TMPRSS9: variants seen among roughly 807,000 people sequenced by gnomAD.
The protein encoded by TMPRSS9 is transmembrane serine protease 9, also known as transmembrane protease serine 9.
A neutral mutation model predicts 111.4 loss-of-function variants in TMPRSS9; 113 were observed. That is an observed-to-expected ratio of 1.01 (90% CI 0.87 to 1.19). The LOEUF (loss-of-function observed/expected upper bound fraction) is 1.19, where lower values mean the gene tolerates loss of function less well. Ranked by LOEUF, TMPRSS9 falls within the 50% of genes most tolerant of loss-of-function variation. The pLI is 0.00. For missense variants in TMPRSS9, 1,803 were observed against 1,513.1 expected (o/e 1.19, Z -3.18); for synonymous variants, 805 against 659.1 (o/e 1.22, Z -3.39).
chr19:2,367,561 ATTTT>A (rs35468320), intron 1 of TMPRSS9, among the ~76,000 whole-genome samples: 36,807 of 129,424 alleles, frequency 0.28, 5,039 homozygotes, highest in Middle Eastern at 0.44. Flanking sequence ...TGACTGGCTA[ATTTT>A]TTTTTTTTTT....
intron 7 of TMPRSS9, among the ~76,000 whole-genome samples, chr19:2,407,184 A>G (rs903327741): frequency 6.6e-6 from 1 of 151,906 alleles, no homozygotes; most frequent in African/African-American, 2.4e-5. Flanking sequence ...CCCTCACCCT[A>G]ATCCCAACTC....
At chr19:2,377,490 CCA>C (rs1970347344) in intron 1 of TMPRSS9, among the ~76,000 whole-genome samples, 2 of 43,484 alleles carry the variant, frequency 4.6e-5, no homozygotes, top group African/African-American at 1.4e-4. Context: ...TCTCTCCCCC[CCA>C]CCCCTCTCCC....
At chr19:2,394,843 C>T (rs1215045433) in intron 1 of TMPRSS9, among the ~76,000 whole-genome samples, 1 of 152,050 alleles carries the variant, frequency 6.6e-6, no homozygotes, top group African/African-American at 2.4e-5. Context: ...GACCAAAACT[C>T]GTGCTCTCAT....
chr19:2,410,348 G>C, exon 9 of TMPRSS9: 1 of 1,614,120 alleles, frequency 6.2e-7, no homozygotes, highest in Non-Finnish European at 8.5e-7. Context: ...CTCACTGACA[G>C]GATGGTGTGC....
At chr19:2,418,329 C>CTCT (rs1568189440) in intron 13 of TMPRSS9, among the ~76,000 whole-genome samples, 191 bp downstream of exon 14, 4 of 34,630 alleles carry the variant, frequency 1.2e-4, no homozygotes, top group African/African-American at 1.1e-3. Flanking sequence ...CTCCCTCCCT[C>CTCT]CCTTTCCTTC....
chr19:2,422,842 C>G (rs190663622), intron 14 of TMPRSS9, among the ~76,000 whole-genome samples: 1 of 152,052 alleles, frequency 6.6e-6, no homozygotes, highest in Non-Finnish European at 1.5e-5. Flanking sequence ...GAGCCGAGAT[C>G]GTGCCATTGC....
intron 1 of TMPRSS9, among the ~76,000 whole-genome samples, chr19:2,384,676 G>T (rs1435752687): frequency 6.6e-6 from 1 of 152,014 alleles, no homozygotes; most frequent in Non-Finnish European, 1.5e-5. Flanking sequence ...TTAGCCAGGC[G>T]TGGTGGCGGG....
chr19:2,380,598 C>CAAAAAA (rs112276283), intron 1 of TMPRSS9, among the ~76,000 whole-genome samples: 11 of 110,872 alleles, frequency 9.9e-5, no homozygotes, highest in Admixed American at 3.1e-4. Flanking sequence ...AAGACTCCAC[C>CAAAAAA]AAAAAAAAAA....
chr19:2,360,324 C>A (rs1970185051), exon 1 of TMPRSS9, among the ~76,000 whole-genome samples: 1 of 152,206 alleles, frequency 6.6e-6, no homozygotes, highest in Non-Finnish European at 1.5e-5. Context: ...GCGGGCTCAG[C>A]CTCCCCTCGG....
At chr19:2,425,533 G>A in intron 17 of TMPRSS9, 40 bp downstream of exon 18, 1 of 1,495,584 alleles carries the variant, frequency 6.7e-7, no homozygotes, top group Admixed American at 2.3e-5. Context: ...GTCCCGCCCA[G>A]CCGCCGGGGA....
chr19:2,384,633 G>A (rs1419697012), intron 1 of TMPRSS9, among the ~76,000 whole-genome samples: 1 of 151,870 alleles, frequency 6.6e-6, no homozygotes, highest in Non-Finnish European at 1.5e-5. Context: ...GGCTAACGTG[G>A]TGAAACCCCG....
chr19:2,390,006 T>G (rs1446027890), intron 1 of TMPRSS9, 79 bp downstream of exon 2: 4 of 1,524,650 alleles, frequency 2.6e-6, no homozygotes, highest in Non-Finnish European at 3.6e-6. Flanking sequence ...TGATGGTGTC[T>G]CCTTGGCCAT....
At chr19:2,393,186 A>G (rs893202687) in intron 1 of TMPRSS9, among the ~76,000 whole-genome samples, 2 of 152,048 alleles carry the variant, frequency 1.3e-5, no homozygotes, top group Non-Finnish European at 2.9e-5. Flanking sequence ...AGTGTAGAGG[A>G]TTTGTTTTTT....
chr19:2,418,202 C>A, intron 13 of TMPRSS9, 64 bp downstream of exon 14: 1 of 1,532,846 alleles, frequency 6.5e-7, no homozygotes, highest in Non-Finnish European at 8.8e-7. Context: ...GTTCACCCAG[C>A]AGTTCTTTGT....
chr19:2,395,195 A>G (rs112013726), intron 1 of TMPRSS9, among the ~76,000 whole-genome samples: 132 of 152,304 alleles, frequency 8.7e-4, no homozygotes, highest in African/African-American at 3.1e-3. Flanking sequence ...AGGCGGGTGG[A>G]TCACCTGAGG....
chr19:2,392,201 G>A (rs1054299807), intron 1 of TMPRSS9, among the ~76,000 whole-genome samples: 1 of 151,854 alleles, frequency 6.6e-6, no homozygotes, highest in African/African-American at 2.4e-5. Flanking sequence ...ATTAAATAAT[G>A]AAGACAAGAA....
At chr19:2,406,632 G>T (rs1013120691) in intron 7 of TMPRSS9, among the ~76,000 whole-genome samples, 16 of 151,500 alleles carry the variant, frequency 1.1e-4, no homozygotes, top group Non-Finnish European at 2.1e-4. Flanking sequence ...ACCGTGCCTG[G>T]CCCACTTGCT....
At chr19:2,385,157 G>A (rs989510995), upstream of TMPRSS9, among the ~76,000 whole-genome samples, 129 of 126,804 alleles carry the variant, frequency 1.0e-3, 2 homozygotes, top group African/African-American at 5.6e-3. Context: ...CGGAGCTCGC[G>A]GAGGGCGGGG....
Position 2,360,272 on chromosome 19 carries a change from G to A in TMPRSS9, c.-114G>A, listed in dbSNP as rs370225793. Among the ~76,000 whole-genome samples the A allele has an allele frequency of 6.6e-6, 1 of 152,192 alleles. No homozygotes were observed. The highest frequency in any genetic ancestry group is 1.9e-4 in the East Asian group (1 of 5,182). On this transcript the variant is annotated 5_prime_UTR_variant, in exon 1 of 18. It adds an upstream start codon to the 5' untranslated region. Transcript: ENST00000649857. ...GGTGGGCGGGATCCGGGCAGTAGCGGTGCAGCCTCGTCGTCCGGAGCGCGG... is the reference window on the plus strand; with the variant it reads ...GGTGGGCGGGATCCGGGCAGTAGCGATGCAGCCTCGTCGTCCGGAGCGCGG...
Sources: gnomAD v4.1 joint callset for allele counts (sites outside exome capture counted in the v4.1 genomes callset) on GRCh38, gnomAD v4.1.1 for gene constraint, MANE v1.5 for transcripts, NCBI Gene and HGNC (gene_info 2026-07-23, HGNC 2026-07-21) for gene names.